The following PCDHGB4 variants were observed in gnomAD, a reference collection of about 807,000 sequenced individuals.
PCDHGB4 encodes the protein protocadherin gamma subfamily B, 4, also known as protocadherin gamma-B4.
Under a neutral mutation model 60.5 loss-of-function variants are expected in PCDHGB4, and 38 were observed. The ratio of observed to expected loss-of-function variants is 0.63; its 90% confidence interval spans 0.48 to 0.82. The LOEUF is 0.82. Among genes scored for constraint, PCDHGB4 ranks in the 40% least tolerant of loss-of-function variants. The pLI, the probability that PCDHGB4 is intolerant of heterozygous loss-of-function variation, is 0.00. For synonymous variants in PCDHGB4, 456 were observed against 509.7 expected, an observed-to-expected ratio of 0.89 and a Z score of 1.42; for missense variants, 1,109 against 1,209.6, an observed-to-expected ratio of 0.92 and a Z score of 1.23.
At chr5:141,458,094 A>G (rs1036190372) in intron 1 of PCDHGB4, among the ~76,000 whole-genome samples, 3 of 152,260 alleles carry the variant, frequency 2.0e-5, no homozygotes, top group African/African-American at 7.2e-5. Context: ...AGTTAAGAGT[A>G]CTTACAGATA....
At chr5:141,446,208 G>GAT (rs1387839424) in intron 1 of PCDHGB4, among the ~76,000 whole-genome samples, 1 of 152,156 alleles carries the variant, frequency 6.6e-6, no homozygotes, top group Non-Finnish European at 1.5e-5. Context: ...CTAGGTGTCT[G>GAT]AAAATATTGT....
rs746834673 is a variant in PCDHGB4, at chr5:141,394,045, A to G, written c.2397+3764A>G. ...AGATTAGTGACAAGGAAATATTTGG[A>G]CCGAGAAAATGTCTCTATCTACAAT... On this transcript the variant is annotated intron_variant, in intron 1 of 3. Transcript: ENST00000519479. 6 of 1,613,706 alleles carry G rather than the reference A, an allele frequency of 3.7e-6. No individual in the cohort carries two copies. The highest frequency in any genetic ancestry group is 1.6e-4 in the Middle Eastern group (1 of 6,062).
rs1308015959 is a variant in PCDHGB4, at chr5:141,482,105, AT to A, written c.2398-12701del. Among the ~76,000 whole-genome samples, 417 of 143,332 alleles carry A rather than the reference AT, an allele frequency of 2.9e-3. 1 individual carries two copies. The highest frequency in any genetic ancestry group is 0.011 in the African/African-American group (394 of 37,394). 94.0% of individuals were successfully genotyped at this position (143,332 alleles called of 152,430 possible). Reference sequence around the variant, plus strand: ...ACTCCATCTCAAAAAAAAAAAAAAAATATCTAGAGATGGGAGAATCATATGG... The same window carrying A: ...ACTCCATCTCAAAAAAAAAAAAAAAAATCTAGAGATGGGAGAATCATATGG... On this transcript the variant is annotated intron_variant, in intron 1 of 3. Coordinates refer to ENST00000519479, the MANE Select transcript of PCDHGB4 (RefSeq NM_003736.4).
At chr5:141,395,500 TAAG>T (rs1227202502) in intron 1 of PCDHGB4, 3 of 471,360 alleles carry the variant, frequency 6.4e-6, no homozygotes, top group Non-Finnish European at 1.1e-5. Flanking sequence ...CTCATTCACT[TAAG>T]AAGTAGCTAC....
chr5:141,422,629 A>C lies in PCDHGB4; in HGVS notation c.2397+32348A>C, dbSNP rs780472571. 1.9e-6 allele frequency: 3 copies of C among 1,613,270 alleles called. No homozygotes were observed. The Admixed American group carries it at 5.0e-5, about 27-fold the overall frequency. Reference sequence around the variant, plus strand: ...TGCCTACATTCCCGAAAACAACCCCAGGGGTGCCTCCATCTTCTCAGTGAC... The same window carrying C: ...TGCCTACATTCCCGAAAACAACCCCCGGGGTGCCTCCATCTTCTCAGTGAC... On this transcript the variant is annotated intron_variant, in intron 1 of 3. Transcript: ENST00000519479.
At position 141,485,848 on chromosome 5, in the gene PCDHGB4, C is replaced by G. The variant is rs1416763615; in HGVS notation, c.2398-8959C>G. 1.9e-6 allele frequency: 3 copies of G among 1,614,076 alleles called. No individual in the cohort carries two copies. The highest frequency in any genetic ancestry group is 1.1e-5 in the South Asian group (1 of 91,084). On this transcript the variant is annotated intron_variant, in intron 1 of 3. Coordinates refer to ENST00000519479, the MANE Select transcript of PCDHGB4 (RefSeq NM_003736.4). This position sits in a 1 kb window ranked among gnomAD's most constrained non-coding sequence, Gnocchi z 5.7. The stretch of plus-strand genomic sequence containing the variant: ...GAGGGAACCCGCCGAGATCTGGCAC[C>G]GCAGAGCTCCGGGTATCCGTGCTGG...
intron 1 of PCDHGB4, chr5:141,413,232 G>A (rs374674787): frequency 1.1e-4 from 170 of 1,613,834 alleles, no homozygotes; most frequent in Non-Finnish European, 1.4e-4. Context: ...GGCTGGTCCT[G>A]CTCTGCCTTT....
At chr5:141,423,238 G>A (rs765040062) in intron 1 of PCDHGB4, 3 of 1,613,778 alleles carry the variant, frequency 1.9e-6, no homozygotes, top group South Asian at 1.1e-5. Flanking sequence ...CAGCATCCCC[G>A]AAGTCCTGGC....
chr5:141,404,917 G>T (rs750464541), intron 1 of PCDHGB4: 6 of 1,613,652 alleles, frequency 3.7e-6, no homozygotes, highest in East Asian at 2.2e-5. Flanking sequence ...CCCCTCTCTC[G>T]GCCACTGTCA....
chr5:141,472,164 G>C (rs2099273083), intron 1 of PCDHGB4, among the ~76,000 whole-genome samples: 1 of 152,158 alleles, frequency 6.6e-6, no homozygotes, highest in Non-Finnish European at 1.5e-5. Flanking sequence ...TAGCTACTAG[G>C]TGTAATATCC....
chr5:141,403,163 A>C, intron 1 of PCDHGB4: 1 of 1,614,052 alleles, frequency 6.2e-7, no homozygotes, highest in South Asian at 1.1e-5. Flanking sequence ...CTCTAGAGGT[A>C]GGACGCAGCT....
chr5:141,508,540 G>A (rs993826709), intron 3 of PCDHGB4, among the ~76,000 whole-genome samples: 3 of 152,144 alleles, frequency 2.0e-5, no homozygotes, highest in African/African-American at 4.8e-5. Flanking sequence ...CCCCCCACGA[G>A]GTGGGCGGGG....
chr5:141,454,575 T>G (rs1430018751), intron 1 of PCDHGB4, among the ~76,000 whole-genome samples: 1 of 151,400 alleles, frequency 6.6e-6, no homozygotes, highest in African/African-American at 2.4e-5. Context: ...CCCGGCTAAT[T>G]TTGTATTTTT....
chr5:141,451,301 G>T (rs963686418), intron 1 of PCDHGB4, among the ~76,000 whole-genome samples: 3 of 152,196 alleles, frequency 2.0e-5, no homozygotes, highest in Non-Finnish European at 4.4e-5. Flanking sequence ...AGTCTTACAA[G>T]GCAGCAATTA....
At chr5:141,415,420 G>A in intron 1 of PCDHGB4, 2 of 1,614,226 alleles carry the variant, frequency 1.2e-6, no homozygotes, top group Non-Finnish European at 1.7e-6. Flanking sequence ...GGGCGTGGAC[G>A]GGGTTCGGGC....
chr5:141,415,278 G>A (rs768587119), intron 1 of PCDHGB4: 4 of 1,614,212 alleles, frequency 2.5e-6, no homozygotes, highest in Non-Finnish European at 3.4e-6. Flanking sequence ...TGGTAGCGGT[G>A]GCCGCGGTCT....
intron 1 of PCDHGB4, chr5:141,411,305 C>T (rs1317785609): frequency 6.6e-6 from 1 of 152,176 alleles, no homozygotes; most frequent in Non-Finnish European, 1.5e-5. Context: ...CCCAGTGGCT[C>T]ACACCTATAA....
chr5:141,478,652 G>A (rs188883724), intron 1 of PCDHGB4: 2 of 1,551,970 alleles, frequency 1.3e-6, no homozygotes, highest in East Asian at 2.4e-5. Flanking sequence ...TGTTTTCCTG[G>A]TGATGCATTC....
In PCDHGB4 at chr5:141,486,092, C is replaced by A; in HGVS notation, c.2398-8715C>A. Reference sequence around the variant, plus strand: ...TACTGGAAAGCTTACTCTTTTGGGGCCCCTAGACTTTGAGAGTGAGAATTA... The same window carrying A: ...TACTGGAAAGCTTACTCTTTTGGGGACCCTAGACTTTGAGAGTGAGAATTA... On this transcript the variant is annotated intron_variant, in intron 1 of 3. Coordinates refer to ENST00000519479, the MANE Select transcript of PCDHGB4 (RefSeq NM_003736.4). The surrounding 1 kb of genome is among the most constrained non-coding windows in gnomAD (Gnocchi z 5.0). 1.9e-6 allele frequency: 3 copies of A among 1,614,148 alleles called. No individual in the cohort carries two copies. Among genetic ancestry groups the A allele is most frequent in the Non-Finnish European group, 2.5e-6 (3 of 1,180,008 alleles).
Sources: allele counts gnomAD v4.1 joint callset (sites outside exome capture counted in the v4.1 genomes callset), GRCh38; gene constraint gnomAD v4.1.1; non-coding constraint Gnocchi (gnomAD v3.1); transcripts MANE v1.5; gene names NCBI Gene and HGNC (gene_info 2026-07-23, HGNC 2026-07-21).